The following KMT2C variants were observed in gnomAD, a reference collection of about 807,000 sequenced individuals.
KMT2C encodes the protein histone-lysine N-methyltransferase 2C.
KMT2C carries 88 observed loss-of-function variants against 507.9 expected under a neutral mutation model. The ratio of observed to expected loss-of-function variants is 0.17; its 90% CI spans 0.15 to 0.21. KMT2C has a LOEUF of 0.21. Among genes scored for constraint, KMT2C ranks in the 10% least tolerant of loss-of-function variants. The pLI, the probability that KMT2C is intolerant of heterozygous loss-of-function variation, is 1.00. For missense variants in KMT2C, 4,954 were observed against 5,957.8 expected, an observed-to-expected ratio of 0.83 and a Z score of 5.55; for synonymous variants, 2,049 against 2,080.8, an observed-to-expected ratio of 0.98 and a Z score of 0.42.
At chr7:152,236,486 G>A (rs533663904) in intron 15 of KMT2C, among the ~76,000 whole-genome samples, 1 of 152,266 alleles carries the variant, frequency 6.6e-6, no homozygotes, top group African/African-American at 2.4e-5. Context: ...CACTTAGCTA[G>A]CAAGTCTGGC....
At chr7:152,258,122 T>G (rs1256017106) in intron 9 of KMT2C, among the ~76,000 whole-genome samples, 1 of 152,172 alleles carries the variant, frequency 6.6e-6, no homozygotes, top group East Asian at 1.9e-4. Flanking sequence ...GGTTACTTAT[T>G]TAACAATGGA....
intron 1 of KMT2C, among the ~76,000 whole-genome samples, chr7:152,390,545 T>G (rs2097484405): frequency 6.6e-6 from 1 of 152,270 alleles, no homozygotes; most frequent in African/African-American, 2.4e-5. Context: ...TCCAATCAAG[T>G]TAGGTATTTT....
At chr7:152,173,565 T>C (rs2093058706) in intron 39 of KMT2C, among the ~76,000 whole-genome samples, 1 of 152,330 alleles carries the variant, frequency 6.6e-6, no homozygotes. Flanking sequence ...TTAGAGGGCA[T>C]AATTTCAAAA....
intron 6 of KMT2C, among the ~76,000 whole-genome samples, chr7:152,292,218 A>G (rs1342993689): frequency 2.6e-5 from 4 of 152,164 alleles, no homozygotes; most frequent in South Asian, 2.1e-4. Context: ...CTATACCTCT[A>G]AAGTGTTACA....
chr7:152,348,798 C>A (rs539276493), intron 2 of KMT2C, among the ~76,000 whole-genome samples: 1 of 152,142 alleles, frequency 6.6e-6, no homozygotes, highest in East Asian at 1.9e-4. Flanking sequence ...ATCTGGAACA[C>A]CAACACCACC....
intron 6 of KMT2C, among the ~76,000 whole-genome samples, chr7:152,282,378 A>G (rs575072288): frequency 6.6e-6 from 1 of 152,320 alleles, no homozygotes; most frequent in Non-Finnish European, 1.5e-5. Context: ...GTCAACCAAA[A>G]GAAATGTACT....
At position 152,177,036 on chromosome 7, in the gene KMT2C, A is replaced by G. The variant is rs1316332023; in HGVS notation, c.8417T>C (p.Leu2806Pro). 6 of 1,613,046 alleles carry G rather than the reference A, an allele frequency of 3.7e-6. No homozygotes were observed. The highest frequency in any genetic ancestry group is 4.2e-6 in the Non-Finnish European group (5 of 1,179,868). Residue 2806 changes from leucine to proline, a missense_variant, in exon 38 of 59, where the codon CTC (leucine) becomes CCC (proline). Coordinates refer to ENST00000262189, the MANE Select transcript of KMT2C (RefSeq NM_170606.3). ...TTTCTGTGGTGAATGTTTATCAGAG[A>G]GAACCAGAGTTTTGTTTTCTTGTTC... ...KKEQENKTLV[L>P]SDKHSPQKKS...
chr7:152,338,186 G>A (rs2096956095), intron 2 of KMT2C, among the ~76,000 whole-genome samples: 1 of 152,080 alleles, frequency 6.6e-6, no homozygotes, highest in Admixed American at 6.6e-5. Flanking sequence ...AACTCTTGAT[G>A]TCACATCATG....
At chr7:152,390,156 A>G (rs189221738) in intron 1 of KMT2C, among the ~76,000 whole-genome samples, 116 of 152,332 alleles carry the variant, frequency 7.6e-4, no homozygotes, top group African/African-American at 2.7e-3. Flanking sequence ...AAACCTCGGC[A>G]TTACATAATC....
At chr7:152,164,170 C>T (rs1228754071) in intron 42 of KMT2C, among the ~76,000 whole-genome samples, 1 of 152,064 alleles carries the variant, frequency 6.6e-6, no homozygotes, top group Non-Finnish European at 1.5e-5. Context: ...AAAGGTTACA[C>T]AAGCAGCTAA....
intron 6 of KMT2C, among the ~76,000 whole-genome samples, chr7:152,277,329 GAGAA>G (rs1328626846): frequency 1.3e-5 from 2 of 152,138 alleles, no homozygotes; most frequent in East Asian, 3.8e-4. Context: ...TGGAAAGTAA[GAGAA>G]AGAGGTAGAA....
intron 1 of KMT2C, among the ~76,000 whole-genome samples, chr7:152,380,306 A>G (rs2097362445): frequency 6.6e-6 from 1 of 151,752 alleles, no homozygotes; most frequent in Non-Finnish European, 1.5e-5. Flanking sequence ...AGTGGCTCAC[A>G]CCTATAATCC....
intron 1 of KMT2C, among the ~76,000 whole-genome samples, chr7:152,428,774 A>G (rs572379966): frequency 1.3e-5 from 2 of 152,156 alleles, no homozygotes; most frequent in African/African-American, 4.8e-5. Flanking sequence ...AGACTTCCCC[A>G]AGGCTGTTAT....
rs1051101727 is a variant in KMT2C at position 152,187,404 on chromosome 7, C to T, written c.4866G>A (p.Val1622=). Residue 1622 remains valine (V), a synonymous_variant, in exon 33 of 59, where the codon GTG becomes GTA. Coordinates refer to ENST00000262189, the MANE Select transcript of KMT2C (RefSeq NM_170606.3). Reference sequence around the variant, plus strand: ...TCGACATTGTGTCATTTTCTCCTTCCACAGTGGGAGCTGATGATGTCCAAG... The same window carrying T: ...TCGACATTGTGTCATTTTCTCCTTCTACAGTGGGAGCTGATGATGTCCAAG... ...NNSWTSSAPT[V]EGENDTMSNA... is the part of the protein sequence containing the mutation. The T allele has an allele frequency of 1.2e-6, 2 of 1,614,070 alleles. No individual in the cohort carries two copies. Among genetic ancestry groups the T allele is most frequent in the Non-Finnish European group, 1.7e-6 (2 of 1,179,992 alleles).
intron 6 of KMT2C, among the ~76,000 whole-genome samples, chr7:152,296,388 C>G (rs950204608): frequency 2.0e-5 from 3 of 149,798 alleles, no homozygotes; most frequent in Non-Finnish European, 3.0e-5. Context: ...GAGCCGAGAT[C>G]GCGCCACTTC....
At chr7:152,365,877 T>C (rs1299634610) in intron 1 of KMT2C, among the ~76,000 whole-genome samples, 1 of 152,154 alleles carries the variant, frequency 6.6e-6, no homozygotes, top group Admixed American at 6.6e-5. Flanking sequence ...TCCTGGGTAC[T>C]CAGGAGGATG....
rs962041154 is a variant in KMT2C at position 152,163,363 on chromosome 7, C to T, written c.10214G>A (p.Arg3405Gln). Residue 3405 changes from arginine (R) to glutamine (Q), a missense_variant, in exon 43 of 59, where the codon CGA (arginine) becomes CAA (glutamine). By Grantham distance (43) the Arg-to-Gln change is conservative. Coordinates refer to ENST00000262189, the MANE Select transcript of KMT2C (RefSeq NM_170606.3). ...GATCCGTTGTCTCTCTTGCTGTTCT[C>T]GTAAACGTTCCTTACGTTCCCGTTC... ...FQERERKERL[R>Q]EQQERQRIQL... is the part of the protein sequence containing the mutation. 5 of 1,614,188 alleles carry T rather than the reference C, an allele frequency of 3.1e-6. No homozygotes were observed. The highest frequency in any genetic ancestry group is 1.1e-5 in the South Asian group (1 of 91,082).
intron 1 of KMT2C, among the ~76,000 whole-genome samples, chr7:152,372,795 C>T (rs979634011): frequency 5.3e-5 from 8 of 152,198 alleles, no homozygotes; most frequent in Admixed American, 2.6e-4. Context: ...CTTTCGACAA[C>T]GGATAAATAA....
chr7:152,180,672 A>C (rs773989732), intron 36 of KMT2C, 39 bp downstream of exon 36: 2 of 1,447,870 alleles, frequency 1.4e-6, no homozygotes, highest in Admixed American at 4.1e-5. Flanking sequence ...AGCTTCCTCA[A>C]ATAATACATT....
Sources: allele counts gnomAD v4.1 joint callset (sites outside exome capture counted in the v4.1 genomes callset), GRCh38; gene constraint gnomAD v4.1.1; transcripts MANE v1.5; gene names NCBI Gene and HGNC (gene_info 2026-07-23, HGNC 2026-07-21).